The following DSCAM variants were observed in gnomAD, a reference collection of about 807,000 sequenced individuals.
DSCAM encodes cell adhesion molecule DSCAM.
In DSCAM, 47 loss-of-function variants were observed where a neutral mutation model predicts 217.7. The ratio of observed to expected loss-of-function variants is 0.22; its 90% CI spans 0.17 to 0.28. The LOEUF (loss-of-function observed/expected upper bound fraction) is 0.28. Ranked by LOEUF, DSCAM falls within the 10% of genes least tolerant of loss-of-function variation. The probability of loss-of-function intolerance (pLI) is 1.00; values close to 1 mark genes in which losing one functional copy is unlikely to be tolerated. For missense variants in DSCAM, 2,080 were observed against 2,618.3 expected (o/e 0.79, Z 4.49); for synonymous variants, 1,056 against 1,015.3 (o/e 1.04, Z -0.76).
At chr21:40,068,912 C>A (rs377557238) in intron 27 of DSCAM, among the ~76,000 whole-genome samples, 2 of 151,798 alleles carry the variant, frequency 1.3e-5, no homozygotes, top group East Asian at 3.9e-4. Context: ...TTGGAGAAAC[C>A]CCGTCTCTAC....
intron 3 of DSCAM, among the ~76,000 whole-genome samples, chr21:40,426,861 G>A (rs760412077): frequency 9.9e-5 from 15 of 152,024 alleles, no homozygotes; most frequent in Admixed American, 2.6e-4. Flanking sequence ...AGCCCAAACC[G>A]TCATCTTGGC....
intron 1 of DSCAM, among the ~76,000 whole-genome samples, chr21:40,804,955 C>A (rs2091772806): frequency 6.6e-6 from 1 of 152,172 alleles, no homozygotes; most frequent in South Asian, 2.1e-4. Context: ...TTCCCCACCC[C>A]CATAATTGGT....
At chr21:40,758,514 C>T (rs1295617119) in intron 1 of DSCAM, among the ~76,000 whole-genome samples, 1 of 30,052 alleles carries the variant, frequency 3.3e-5, no homozygotes, top group Non-Finnish European at 7.4e-5. Flanking sequence ...AAGACTCTGT[C>T]TCAAAAAAAA....
intron 1 of DSCAM, among the ~76,000 whole-genome samples, chr21:40,795,729 A>G (rs955134350): frequency 2.0e-5 from 3 of 152,228 alleles, no homozygotes; most frequent in Admixed American, 2.0e-4. Flanking sequence ...TCAAAAACTC[A>G]GAAAATATGA....
At chr21:40,143,078 G>A (rs553765548) in intron 17 of DSCAM, among the ~76,000 whole-genome samples, 40 of 152,178 alleles carry the variant, frequency 2.6e-4, no homozygotes, top group African/African-American at 8.7e-4. Flanking sequence ...TCTTTAAGTT[G>A]CATTTACTTT....
chr21:40,120,717 T>C (rs1377390255), intron 20 of DSCAM, among the ~76,000 whole-genome samples: 2 of 152,208 alleles, frequency 1.3e-5, no homozygotes, highest in Non-Finnish European at 2.9e-5. Flanking sequence ...GGAAAGTTCA[T>C]GTTCAGTCCA....
At chr21:40,346,375 C>T (rs771678927) in intron 6 of DSCAM, among the ~76,000 whole-genome samples, 7 of 152,078 alleles carry the variant, frequency 4.6e-5, no homozygotes, top group Non-Finnish European at 8.8e-5. Context: ...AAAAAATTAG[C>T]TAAGGTTAAA....
intron 1 of DSCAM, among the ~76,000 whole-genome samples, chr21:40,720,542 T>A (rs952486890): frequency 6.6e-6 from 1 of 152,140 alleles, no homozygotes; most frequent in Non-Finnish European, 1.5e-5. Flanking sequence ...TCCCAAGCTG[T>A]GAAATGATGT....
intron 1 of DSCAM, among the ~76,000 whole-genome samples, chr21:40,758,330 A>G (rs2091296511): frequency 6.6e-6 from 1 of 152,148 alleles, no homozygotes; most frequent in African/African-American, 2.4e-5. Context: ...AGATGCAGAA[A>G]AAGGGACTGG....
intron 3 of DSCAM, among the ~76,000 whole-genome samples, chr21:40,392,293 G>C (rs1023410763): frequency 8.6e-5 from 13 of 151,912 alleles, no homozygotes; most frequent in African/African-American, 2.9e-4. Flanking sequence ...TTCTAGTGTG[G>C]GTTAAAGATA....
chr21:40,587,016 G>A (rs1164624656), intron 3 of DSCAM, among the ~76,000 whole-genome samples: 1 of 152,022 alleles, frequency 6.6e-6, no homozygotes, highest in Non-Finnish European at 1.5e-5. Context: ...TACATTAGAG[G>A]ACACAACCTT....
chr21:40,569,044 G>A (rs34808860), intron 3 of DSCAM, among the ~76,000 whole-genome samples: 9,498 of 152,164 alleles, frequency 0.062, 359 homozygotes, highest in South Asian at 0.15. Context: ...CATTTCTTTG[G>A]GGCTTACAAG....
At chr21:40,789,031 G>A (rs369266500) in intron 1 of DSCAM, among the ~76,000 whole-genome samples, 5 of 151,934 alleles carry the variant, frequency 3.3e-5, no homozygotes, top group Non-Finnish European at 7.4e-5. Context: ...GCGCATAGTC[G>A]GTATTCATTA....
intron 3 of DSCAM, among the ~76,000 whole-genome samples, chr21:40,476,897 G>A (rs2075941527): frequency 6.6e-6 from 1 of 152,062 alleles, no homozygotes; most frequent in South Asian, 2.1e-4. Flanking sequence ...TAGGAAAAAC[G>A]TTTACTTTCT....
At chr21:40,451,287 C>T (rs1343704944) in intron 3 of DSCAM, among the ~76,000 whole-genome samples, 1 of 152,206 alleles carries the variant, frequency 6.6e-6, no homozygotes, top group African/African-American at 2.4e-5. Flanking sequence ...AGAGCACTTA[C>T]TATTATGGCC....
chr21:40,357,079 C>T (rs543733165), intron 4 of DSCAM, among the ~76,000 whole-genome samples: 7 of 152,216 alleles, frequency 4.6e-5, no homozygotes, highest in African/African-American at 1.4e-4. Flanking sequence ...TCTAATTCTT[C>T]ATTAACTGAA....
intron 1 of DSCAM, among the ~76,000 whole-genome samples, chr21:40,755,904 G>A (rs1029212991): frequency 2.4e-4 from 36 of 152,130 alleles, no homozygotes; most frequent in African/African-American, 3.1e-4. Context: ...TCTGGTGTTC[G>A]CCATGCAACT....
rs777719803 is a variant in DSCAM, at chr21:40,353,649, C to T, written c.750G>A (p.Gly250=). 3 of 1,611,274 alleles carry T rather than the reference C, an allele frequency of 1.9e-6. No individual in the cohort carries two copies. Among genetic ancestry groups the T allele is most frequent in the Non-Finnish European group, 2.5e-6 (3 of 1,179,196 alleles). ...QRVELPCKAL[G]HPEPDYRWLK... ...GCCAGCGGTAATCTGGCTCAGGGTGCCCGAGCGCTTTGCAAGGCAGCTCCA... is the reference window on the plus strand; with the variant it reads ...GCCAGCGGTAATCTGGCTCAGGGTGTCCGAGCGCTTTGCAAGGCAGCTCCA... The change falls in exon 5 of 33, where the codon GGG becomes GGA. Residue 250 remains glycine, a synonymous_variant. Transcript: ENST00000400454.
intron 3 of DSCAM, among the ~76,000 whole-genome samples, chr21:40,665,954 A>T (rs566008396): frequency 2.9e-5 from 4 of 136,636 alleles, no homozygotes. Flanking sequence ...AAGGTGACTT[A>T]GAGTGTGGAA....
Sources: gnomAD v4.1 joint callset for allele counts (sites outside exome capture counted in the v4.1 genomes callset) on GRCh38, gnomAD v4.1.1 for gene constraint, MANE v1.5 for transcripts, NCBI Gene and HGNC (gene_info 2026-07-23, HGNC 2026-07-21) for gene names.